CRIM1: variants seen among roughly 807,000 people sequenced by gnomAD.
CRIM1 encodes cysteine rich transmembrane BMP regulator 1.
In CRIM1, 32 loss-of-function variants were observed where a neutral mutation model predicts 116.4. The observed-to-expected ratio is 0.27, with a 90% CI of 0.21 to 0.37. CRIM1 has a LOEUF of 0.37. Among genes scored for constraint, CRIM1 ranks in the 10% least tolerant of loss-of-function variants. The pLI is 1.00. For missense variants in CRIM1, 1,331 were observed against 1,354.8 expected (o/e 0.98, Z 0.28); for synonymous variants, 590 against 509.2 (o/e 1.16, Z -2.13).
chr2:36,486,780 CAT>C (rs1679852169), intron 7 of CRIM1, among the ~76,000 whole-genome samples: 1 of 152,158 alleles, frequency 6.6e-6, no homozygotes, highest in Non-Finnish European at 1.5e-5. Context: ...GGCAGGAAAA[CAT>C]AGTCTGGAAT....
At chr2:36,524,863 A>G (rs887385074) in intron 13 of CRIM1, among the ~76,000 whole-genome samples, 42 of 151,868 alleles carry the variant, frequency 2.8e-4, no homozygotes, top group Non-Finnish European at 6.0e-4. Flanking sequence ...CTGCATCTAG[A>G]TTATACATTC....
chr2:36,358,856 A>G (rs546094635), intron 1 of CRIM1, among the ~76,000 whole-genome samples: 2 of 152,242 alleles, frequency 1.3e-5, no homozygotes, highest in East Asian at 1.9e-4. Flanking sequence ...GCATGATATA[A>G]TGGTTGGATT....
intron 15 of CRIM1, among the ~76,000 whole-genome samples, chr2:36,546,753 TCTCA>T (rs1193964867): frequency 1.3e-5 from 2 of 148,578 alleles, no homozygotes; most frequent in African/African-American, 5.0e-5. Context: ...TTATTAAGAT[TCTCA>T]CTCTGATTTT....
intron 2 of CRIM1, among the ~76,000 whole-genome samples, chr2:36,409,833 C>G (rs1362162238): frequency 6.6e-6 from 1 of 152,156 alleles, no homozygotes; most frequent in Non-Finnish European, 1.5e-5. Context: ...TTTAAAGAAG[C>G]ATTCTAATAA....
chr2:36,409,885 A>C (rs1673081915), intron 2 of CRIM1, among the ~76,000 whole-genome samples: 1 of 152,192 alleles, frequency 6.6e-6, no homozygotes, highest in African/African-American at 2.4e-5. Context: ...ACCTTCACTA[A>C]GCATACTGTT....
chr2:36,510,470 C>A (rs920617587), intron 9 of CRIM1, among the ~76,000 whole-genome samples: 1 of 152,172 alleles, frequency 6.6e-6, no homozygotes, highest in Non-Finnish European at 1.5e-5. Flanking sequence ...AGTGCTACAA[C>A]TCTTCACACC....
rs1667640172 is a variant in CRIM1, at chr2:36,550,033, GAGTA to G, written c.*1333_*1336del. On this transcript the variant is annotated 3_prime_UTR_variant, in exon 17 of 17. Transcript: ENST00000280527. ...TTTAATTGGAAAGATGTGTGTGTGA[GAGTA>G]TGTATGTGTGTGTGTGTGTGTGTGT... 6.7e-6 allele frequency: 1 copy of G among 148,606 alleles called. No homozygotes were observed. Among genetic ancestry groups the G allele is most frequent in the African/African-American group, 2.6e-5 (1 of 39,004 alleles). The allele number at this position is 148,606 out of a possible 1,614,324, so 9.2% of individuals were successfully genotyped here.
chr2:36,501,795 T>C (rs944363456), intron 8 of CRIM1, among the ~76,000 whole-genome samples: 6 of 152,130 alleles, frequency 3.9e-5, no homozygotes, highest in Non-Finnish European at 8.8e-5. Context: ...CCTATAAGCC[T>C]CTACCCATTT....
rs145414645 is a variant in CRIM1 at position 36,509,893 on chromosome 2, G to T, written c.1502-90G>T. On this transcript the variant is annotated intron_variant, in intron 8 of 16. Transcript: ENST00000280527. ...AGCTGAGAAATTGAGATCTGTGGAA[G>T]AGTGGAGGATTCAGGGACCGTATTT... is the stretch of plus-strand genomic sequence containing the variant. 238 of 1,122,934 alleles carry T rather than the reference G, an allele frequency of 2.1e-4. No individual in the cohort carries two copies. The East Asian group carries it at 5.4e-3, about 26-fold the overall frequency. 69.6% of individuals were successfully genotyped at this position (1,122,934 alleles called of 1,614,324 possible).
chr2:36,543,190 A>G (rs1310326821), intron 14 of CRIM1, among the ~76,000 whole-genome samples: 1 of 152,110 alleles, frequency 6.6e-6, no homozygotes, highest in Non-Finnish European at 1.5e-5. Flanking sequence ...CAGCTCTACC[A>G]CTTACTAGAT....
At chr2:36,533,806 C>G (rs981144505) in intron 13 of CRIM1, among the ~76,000 whole-genome samples, 2 of 152,106 alleles carry the variant, frequency 1.3e-5, no homozygotes, top group Non-Finnish European at 2.9e-5. Flanking sequence ...TGAAATTATT[C>G]TACATAGGTC....
At chr2:36,410,340 A>C (rs1490553181) in intron 2 of CRIM1, among the ~76,000 whole-genome samples, 1 of 152,146 alleles carries the variant, frequency 6.6e-6, no homozygotes, top group Non-Finnish European at 1.5e-5. Context: ...TCCTGTTCCA[A>C]TAACAAAAGA....
chr2:36,378,317 G>A (rs181982708), intron 1 of CRIM1: 36 of 471,114 alleles, frequency 7.6e-5, no homozygotes, highest in Admixed American at 7.5e-4. Context: ...GTTCATGATT[G>A]TCCTCCTAGG....
chr2:36,393,430 T>G (rs1056224043), intron 1 of CRIM1, among the ~76,000 whole-genome samples: 9 of 152,144 alleles, frequency 5.9e-5, no homozygotes, highest in Non-Finnish European at 1.0e-4. Context: ...GACACTTTTT[T>G]TGTTAAAGAC....
intron 2 of CRIM1, among the ~76,000 whole-genome samples, chr2:36,428,621 T>C (rs1344650457): frequency 6.6e-6 from 1 of 152,242 alleles, no homozygotes; most frequent in Non-Finnish European, 1.5e-5. Context: ...GTCTCTTATT[T>C]AGCAGTTGGT....
intron 1 of CRIM1, among the ~76,000 whole-genome samples, chr2:36,375,995 T>A (rs1042155213): frequency 6.6e-6 from 1 of 152,136 alleles, no homozygotes; most frequent in Non-Finnish European, 1.5e-5. Context: ...TACCAAAATA[T>A]GTATGCTGAA....
intron 1 of CRIM1, among the ~76,000 whole-genome samples, chr2:36,357,174 C>T (rs1403603644): frequency 6.6e-6 from 1 of 152,180 alleles, no homozygotes; most frequent in African/African-American, 2.4e-5. Context: ...TCCTCCTCCG[C>T]AGATAAATCA....
At chr2:36,377,061 G>A (rs1670377075) in intron 1 of CRIM1, among the ~76,000 whole-genome samples, 1 of 152,152 alleles carries the variant, frequency 6.6e-6, no homozygotes, top group African/African-American at 2.4e-5. Flanking sequence ...CCCCCCATGT[G>A]GGTTCCGGAA....
intron 1 of CRIM1, among the ~76,000 whole-genome samples, chr2:36,373,954 A>T (rs1184035346): frequency 6.6e-6 from 1 of 152,124 alleles, no homozygotes; most frequent in Admixed American, 6.5e-5. Flanking sequence ...ATCATTCGTT[A>T]ATTTACATAG....
Sources: gnomAD v4.1 joint callset for allele counts (sites outside exome capture counted in the v4.1 genomes callset) on GRCh38, gnomAD v4.1.1 for gene constraint, MANE v1.5 for transcripts, NCBI Gene and HGNC (gene_info 2026-07-23, HGNC 2026-07-21) for gene names.